The following ATP9A variants were observed in gnomAD, a reference collection of about 807,000 sequenced individuals.
ATP9A encodes probable phospholipid-transporting ATPase IIA.
A neutral mutation model predicts 144.1 loss-of-function variants in ATP9A; 52 were observed. That is an observed-to-expected ratio of 0.36 (90% CI 0.29 to 0.45). ATP9A has a LOEUF of 0.45. Among genes scored for constraint, ATP9A ranks in the 20% least tolerant of loss-of-function variants. ATP9A has a pLI of 1.00. For synonymous variants in ATP9A, 582 were observed against 557.4 expected, an observed-to-expected ratio of 1.04 and a Z score of -0.62; for missense variants, 947 against 1,392.7, an observed-to-expected ratio of 0.68 and a Z score of 5.09.
At chr20:51,615,276 T>A (rs1973307976) in intron 22 of ATP9A, among the ~76,000 whole-genome samples, 1 of 152,188 alleles carries the variant, frequency 6.6e-6, no homozygotes, top group Admixed American at 6.5e-5. Context: ...GAAGGGTAGA[T>A]GAATGCTCAC....
intron 4 of ATP9A, among the ~76,000 whole-genome samples, chr20:51,705,232 G>A (rs1298808968): frequency 6.6e-6 from 1 of 152,028 alleles, no homozygotes; most frequent in Non-Finnish European, 1.5e-5. Flanking sequence ...AAAGAAAAAG[G>A]TGCATTCTTA....
Position 51,718,444 on chromosome 20 carries a change from T to C in ATP9A, c.328-5370A>G, listed in dbSNP as rs114494913. On this transcript the variant is annotated intron_variant, in intron 3 of 27. Transcript: ENST00000338821. Reference sequence around the variant, plus strand: ...TCCAATATCATGCGATCTTTTCTATTTGAAAAAAGAACAGTGAACAGGAGC... The same window carrying C: ...TCCAATATCATGCGATCTTTTCTATCTGAAAAAAGAACAGTGAACAGGAGC... Among the ~76,000 whole-genome samples, 1,358 of 151,730 alleles carry C rather than the reference T, an allele frequency of 9.0e-3. 18 individuals are homozygous for C. Among genetic ancestry groups the C allele is most frequent in the African/African-American group, 0.031 (1,287 of 41,370 alleles).
At chr20:51,707,888 T>C (rs1205695) in intron 4 of ATP9A, among the ~76,000 whole-genome samples, 14,725 of 151,890 alleles carry the variant, frequency 0.097, 899 homozygotes, top group South Asian at 0.19. Flanking sequence ...ATTTTAGAGA[T>C]GGAGTCTGGC....
chr20:51,730,045 C>G, intron 1 of ATP9A, 67 bp from the exon 2 acceptor site: 1 of 1,379,384 alleles, frequency 7.2e-7, no homozygotes, highest in African/African-American at 1.5e-5. Flanking sequence ...TGTCTGCCCA[C>G]TCTTCGCAGA....
intron 4 of ATP9A, among the ~76,000 whole-genome samples, chr20:51,707,453 G>T (rs2077619335): frequency 6.6e-6 from 1 of 152,074 alleles, no homozygotes; most frequent in African/African-American, 2.4e-5. Flanking sequence ...TCTCCACCAT[G>T]CCAAGTCCCA....
chr20:51,627,092 T>C (rs1021673378), intron 17 of ATP9A, among the ~76,000 whole-genome samples: 1 of 149,162 alleles, frequency 6.7e-6, no homozygotes, highest in Non-Finnish European at 1.5e-5. Context: ...AGAACAAGAA[T>C]AAGAAGAACA....
chr20:51,757,131 G>T (rs1189928519), intron 1 of ATP9A, among the ~76,000 whole-genome samples: 1 of 152,108 alleles, frequency 6.6e-6, no homozygotes, highest in Non-Finnish European at 1.5e-5. Context: ...ATCCTACAAT[G>T]CCCAGGACAG....
chr20:51,629,451 G>A lies in ATP9A; in HGVS notation c.1669-379C>T, dbSNP rs1191164223. On this transcript the variant is annotated intron_variant, in intron 15 of 27. Transcript: ENST00000338821. ...ATAGGGAAGATAAGGACTAGAACAG[G>A]GAGTCTCAACCTCGTCACTGTGAAC... 3.9e-5 allele frequency among the ~76,000 whole-genome samples: 6 copies of A among 152,248 alleles called. No homozygotes were observed. In the East Asian group the frequency reaches 1.2e-3, roughly 29 times the overall value.
rs143363021 is a variant in ATP9A at position 51,693,085 on chromosome 20, C to T, written c.642+923G>A. ...ACCAGGCACTTAAGTTACACATGGC[C>T]AACTACTGCGGCCATCCTCTCAGCC... On this transcript the variant is annotated intron_variant, in intron 7 of 27. Coordinates refer to ENST00000338821, the MANE Select transcript of ATP9A (RefSeq NM_006045.3). Among the ~76,000 whole-genome samples the T allele has an allele frequency of 5.6e-3, 846 of 152,268 alleles. 6 individuals are homozygous for T. Among genetic ancestry groups the T allele is most frequent in the Non-Finnish European group, 9.2e-3 (629 of 68,034 alleles).
chr20:51,752,652 C>T (rs1367354237), intron 1 of ATP9A, among the ~76,000 whole-genome samples: 2 of 152,192 alleles, frequency 1.3e-5, no homozygotes, highest in Non-Finnish European at 2.9e-5. Context: ...CACTGGTTTT[C>T]TGTGGTATCA....
At chr20:51,728,581 T>G (rs905470642) in intron 2 of ATP9A, among the ~76,000 whole-genome samples, 1 of 145,832 alleles carries the variant, frequency 6.9e-6, no homozygotes, top group Non-Finnish European at 1.5e-5. Flanking sequence ...TGAGCCAAGA[T>G]GGCTCACTGT....
chr20:51,626,570 G>A (rs1032710644), intron 17 of ATP9A, among the ~76,000 whole-genome samples: 2 of 151,354 alleles, frequency 1.3e-5, no homozygotes, highest in Non-Finnish European at 1.5e-5. Flanking sequence ...CAGCTACAAG[G>A]AGGTTGAGGC....
At chr20:51,749,646 C>A (rs2077823272) in intron 1 of ATP9A, among the ~76,000 whole-genome samples, 1 of 152,104 alleles carries the variant, frequency 6.6e-6, no homozygotes, top group Non-Finnish European at 1.5e-5. Flanking sequence ...GTCTATTTAT[C>A]TATATAAAGA....
At chr20:51,624,549 T>G (rs2077239982) in intron 18 of ATP9A, among the ~76,000 whole-genome samples, 3 of 152,138 alleles carry the variant, frequency 2.0e-5, no homozygotes, top group Non-Finnish European at 4.4e-5. Context: ...ACTCACTCAC[T>G]TGGCCACACG....
chr20:51,676,001 C>T (rs111447712), intron 10 of ATP9A, 131 bp downstream of exon 10: 7 of 631,324 alleles, frequency 1.1e-5, no homozygotes, highest in Admixed American at 2.8e-5. Flanking sequence ...CACACACACA[C>T]ATATGCATAA....
At chr20:51,617,385 T>C (rs1270839935) in intron 22 of ATP9A, 105 bp downstream of exon 22, 1 of 1,193,406 alleles carries the variant, frequency 8.4e-7, no homozygotes, top group African/African-American at 1.6e-5. Context: ...TTATGTTTTA[T>C]CATTCTTTAT....
At chr20:51,707,361 C>T (rs1190072789) in intron 4 of ATP9A, among the ~76,000 whole-genome samples, 1 of 152,104 alleles carries the variant, frequency 6.6e-6, no homozygotes. Context: ...GATGGACTCC[C>T]ATCACCCCTG....
intron 1 of ATP9A, among the ~76,000 whole-genome samples, chr20:51,748,252 T>C (rs912809750): frequency 1.3e-5 from 2 of 152,112 alleles, no homozygotes; most frequent in Admixed American, 1.3e-4. Context: ...TGAGACCGGC[T>C]TGGGTTACAT....
chr20:51,681,727 C>G (rs13038547), intron 9 of ATP9A, among the ~76,000 whole-genome samples: 1 of 151,892 alleles, frequency 6.6e-6, no homozygotes, highest in African/African-American at 2.4e-5. Context: ...CAGCCTCCAT[C>G]CGAAACTTCT....
Sources: allele counts gnomAD v4.1 joint callset (sites outside exome capture counted in the v4.1 genomes callset), GRCh38; gene constraint gnomAD v4.1.1; transcripts MANE v1.5; gene names NCBI Gene and HGNC (gene_info 2026-07-23, HGNC 2026-07-21).